Variants in ABCA7 observed in about 807,000 individuals in gnomAD.
ABCA7 encodes the protein ATP binding cassette subfamily A member 7.
In ABCA7, 261 loss-of-function variants were observed where a neutral mutation model predicts 227.6. The observed-to-expected ratio is 1.15, with a 90% CI of 1.04 to 1.27. The LOEUF (loss-of-function observed/expected upper bound fraction) is 1.27, where lower values mean the gene tolerates loss of function less well. ABCA7 is among the 50% of genes most tolerant of loss of function. The probability of loss-of-function intolerance (pLI) is 0.00; values close to 1 mark genes in which losing one functional copy is unlikely to be tolerated. For missense variants in ABCA7, 3,331 were observed against 2,924.5 expected (o/e 1.14, Z -3.21); for synonymous variants, 1,488 against 1,279.7 (o/e 1.16, Z -3.47).
At position 1,047,606 on chromosome 19, in the gene ABCA7, G is replaced by C; in HGVS notation, c.2221G>C (p.Ala741Pro). Residue 741 changes from alanine (A) to proline (P), a missense_variant, in exon 16 of 47, where the codon GCG becomes CCG. Ala to Pro is a conservative substitution (Grantham distance 27). Transcript: ENST00000263094. The part of the protein sequence containing the change: ...AQVSGLLLLD[A>P]ALYGLATWYL... Reference sequence around the variant, plus strand: ...GGTCTCTGGCCTTCTGCTGCTGGACGCGGCGCTCTACGGCCTCGCCACCTG... The same window carrying C: ...GGTCTCTGGCCTTCTGCTGCTGGACCCGGCGCTCTACGGCCTCGCCACCTG... 5 of 1,602,774 alleles carry C rather than the reference G, an allele frequency of 3.1e-6. No individual in the cohort carries two copies. Among genetic ancestry groups the C allele is most frequent in the Non-Finnish European group, 4.2e-6 (5 of 1,179,142 alleles).
chr19:1,058,864 A>T lies in ABCA7; in HGVS notation c.5324A>T (p.Asp1775Val), dbSNP rs1415635714. 1.9e-6 allele frequency: 3 copies of T among 1,579,230 alleles called. No homozygotes were observed. The highest frequency in any genetic ancestry group is 1.3e-5 in the African/African-American group (1 of 74,322). ...SLPLLGEEDE[D>V]VARERERVVQ... is the part of the protein sequence containing the mutation. ...CCACTCCTGGGAGAGGAGGACGAGG[A>T]TGTAGCCCGTGAACGGGAGCGGGTG... The change falls in exon 39 of 47, where the codon GAT becomes GTT. Residue 1775 changes from aspartate to valine, a missense_variant. By Grantham distance (152) the Asp-to-Val change is radical. Transcript: ENST00000263094.
rs558211952 is a variant in ABCA7 at position 1,058,658 on chromosome 19, C to T, written c.5190C>T (p.Val1730=). ...QFQSPLRWEV[V]GKNLLAMVIQ... ...AGTCACCCCTGCGCTGGGAGGTGGT[C>T]GGCAAGAACCTCTTGGCCATGGTGA... is the stretch of plus-strand genomic sequence containing the variant. The change falls in exon 38 of 47, where the codon GTC becomes GTT. Residue 1730 remains valine, a synonymous_variant. Transcript: ENST00000263094. 69 of 1,613,908 alleles carry T rather than the reference C, an allele frequency of 4.3e-5. No homozygotes were observed. Among genetic ancestry groups the T allele is most frequent in the South Asian group, 6.6e-5 (6 of 91,062 alleles).
At chr19:1,053,641 G>C in intron 24 of ABCA7, 110 bp downstream of exon 24, 1 of 1,513,104 alleles carries the variant, frequency 6.6e-7, no homozygotes, top group Middle Eastern at 1.7e-4. Context: ...CATTCAGGGA[G>C]GAGGCATGGC....
intron 6 of ABCA7, 146 bp from the exon 7 acceptor site, chr19:1,042,600 A>G (rs765917512): frequency 1.4e-5 from 14 of 1,010,126 alleles, no homozygotes; most frequent in South Asian, 1.0e-4. Flanking sequence ...GAGATCTCCA[A>G]TGAGTCCCTT....
chr19:1,047,210 A>C lies in ABCA7; in HGVS notation c.1899A>C (p.Ala633=). The change falls in exon 15 of 47, where the codon GCA becomes GCC. Residue 633 remains alanine (A), a synonymous_variant. Coordinates refer to ENST00000263094, the MANE Select transcript of ABCA7 (RefSeq NM_019112.4). ...CGGGCGTGGTCTTCCTGTTCTTGGC[A>C]GCCTTCGCGGTGGCCACGGTGACCC... ...SHPGVVFLFL[A]AFAVATVTQS... 6.2e-7 allele frequency: 1 copy of C among 1,608,754 alleles called. No individual in the cohort carries two copies. The highest frequency in any genetic ancestry group is 2.2e-5 in the East Asian group (1 of 44,796).
intron 24 of ABCA7, 21 bp downstream of exon 24, chr19:1,053,552 T>G (rs924752243): frequency 1.3e-6 from 2 of 1,552,114 alleles, no homozygotes; most frequent in African/African-American, 2.7e-5. Context: ...TGGGTGGTGG[T>G]GAGGTGGGGC....
chr19:1,049,279 G>C lies in ABCA7; in HGVS notation c.2394G>C (p.Glu798Asp), dbSNP rs779045406. Residue 798 changes from glutamate (E) to aspartate (D), a missense_variant, in exon 18 of 47, where the codon GAG becomes GAC. By Grantham distance (45) the Glu-to-Asp change is conservative. Coordinates refer to ENST00000263094, the MANE Select transcript of ABCA7 (RefSeq NM_019112.4). The stretch of plus-strand genomic sequence containing the variant: ...CCATCTCTGCAGTGCTGGTAGAAGA[G>C]GCACCGCCCGGCCTGAGTCCTGGCG... ...TPLDPKVLVE[E>D]APPGLSPGVS... 6.2e-7 allele frequency: 1 copy of C among 1,606,702 alleles called. No individual in the cohort carries two copies. Among genetic ancestry groups the C allele is most frequent in the Non-Finnish European group, 8.5e-7 (1 of 1,176,010 alleles).
At chr19:1,042,857 T>C (rs777032781) in intron 7 of ABCA7, 31 bp downstream of exon 7, 4 of 1,540,220 alleles carry the variant, frequency 2.6e-6, no homozygotes, top group Non-Finnish European at 3.5e-6. Context: ...TCAACCCCCA[T>C]GGAGGCAACG....
At position 1,054,822 on chromosome 19, in the gene ABCA7, G is replaced by A. The variant is rs1430940201; in HGVS notation, c.3894G>A (p.Glu1298=). ...PGDPGRARLL[E]ALLQEAGLEE... ...ACCCTGGACGTGCCCGGCTGCTCGA[G>A]GCGCTGCTGCAGGAGGCAGGACTGG... is the stretch of plus-strand genomic sequence containing the variant. Residue 1298 remains glutamate, a synonymous_variant, in exon 29 of 47, where the codon GAG becomes GAA. Coordinates refer to ENST00000263094, the MANE Select transcript of ABCA7 (RefSeq NM_019112.4). This position sits in a 1 kb window ranked among gnomAD's most constrained non-coding sequence, Gnocchi z 4.8. 2 of 1,577,214 alleles carry A rather than the reference G, an allele frequency of 1.3e-6. No individual in the cohort carries two copies. The highest frequency in any genetic ancestry group is 4.7e-5 in the East Asian group (2 of 42,592).
chr19:1,042,872 C>A, intron 7 of ABCA7, 46 bp downstream of exon 7: 1 of 1,531,256 alleles, frequency 6.5e-7, no homozygotes, highest in Non-Finnish European at 8.8e-7. Flanking sequence ...GCAACGTTGG[C>A]AGGCAGCCTG....
At chr19:1,063,932 A>C in intron 44 of ABCA7, 69 bp downstream of exon 44, 2 of 1,458,838 alleles carry the variant, frequency 1.4e-6, no homozygotes, top group Non-Finnish European at 1.8e-6. Context: ...GCCCCAAAGC[A>C]CAAGGCCACA....
chr19:1,053,188 C>T (rs562431405), intron 23 of ABCA7, 141 bp from the exon 24 acceptor site: 22 of 860,702 alleles, frequency 2.6e-5, no homozygotes, highest in Middle Eastern at 3.6e-4. Flanking sequence ...CCACTGCGCC[C>T]GGCCGCACCT....
At chr19:1,041,715 C>G in intron 3 of ABCA7, 112 bp downstream of exon 3, 10 of 1,576,640 alleles carry the variant, frequency 6.3e-6, no homozygotes, top group Non-Finnish European at 6.0e-6. Flanking sequence ...GCCGCCAATA[C>G]ATGGCATGGG....
intron 10 of ABCA7, among the ~76,000 whole-genome samples, chr19:1,044,113 T>G (rs903467502): frequency 2.6e-4 from 40 of 151,616 alleles, no homozygotes; most frequent in Non-Finnish European, 1.5e-5. Flanking sequence ...ATTTTTTTTT[T>G]TTATTTTTAG....
chr19:1,049,474 C>T (rs758303001), intron 18 of ABCA7, 37 bp downstream of exon 18: 1 of 615,752 alleles, frequency 1.6e-6, no homozygotes, highest in Non-Finnish European at 2.1e-6. Context: ...TGAGCCCCCC[C>T]ACTCCCACCC....
In ABCA7 at chr19:1,042,161, G is replaced by A. The variant is rs1381585206; in HGVS notation, c.400G>A (p.Ala134Thr). ...GLGKLIATLR[A>T]ARSTAQPQPT... ...AGGGAAGCTGATCGCCACGCTGAGG[G>A]CTGCACGCAGCACGGGTGAGGAGGC... Residue 134 changes from alanine to threonine, a missense_variant, in exon 5 of 47, where the codon GCT becomes ACT. By Grantham distance (58) the Ala-to-Thr change is moderately conservative. Coordinates refer to ENST00000263094, the MANE Select transcript of ABCA7 (RefSeq NM_019112.4). 1.9e-6 allele frequency: 3 copies of A among 1,600,478 alleles called. No homozygotes were observed. In the African/African-American group the frequency reaches 4.0e-5, roughly 21 times the overall value.
Position 1,044,628 on chromosome 19 carries a change from C to T in ABCA7, c.1099C>T (p.Arg367Trp), listed in dbSNP as rs779804502. The change falls in exon 11 of 47, where the codon CGG becomes TGG. Residue 367 changes from arginine to tryptophan, a missense_variant. By Grantham distance (101) the Arg-to-Trp change is moderately radical. Transcript: ENST00000263094. ...AAGAAGGCAGCCCAGACCTGGAGGC[C>T]GGGACCACATGGAGGCCCTGCGATC... ...EGRRQPRPGG[R>W]DHMEALRSFL... is the part of the protein sequence containing the mutation. 1.2e-6 allele frequency: 2 copies of T among 1,613,236 alleles called. No individual in the cohort carries two copies. The highest frequency in any genetic ancestry group is 3.3e-5 in the Admixed American group (2 of 60,020).
In ABCA7 at chr19:1,044,757, C is replaced by T. The variant is rs750920945; in HGVS notation, c.1215+13C>T. The T allele has an allele frequency of 1.3e-6, 2 of 1,585,354 alleles. No individual in the cohort carries two copies. The highest frequency in any genetic ancestry group is 1.1e-5 in the South Asian group (1 of 88,902). ...CCGAGTGACGGAGGTGAGGGCCTGT[C>T]CACCTGCGGGGTCTGTTTCAGTGGG... On this transcript the variant is annotated intron_variant, in intron 11 of 46. Coordinates refer to ENST00000263094, the MANE Select transcript of ABCA7 (RefSeq NM_019112.4).
intron 14 of ABCA7, 35 bp downstream of exon 14, chr19:1,047,059 G>A (rs375721421): frequency 2.6e-6 from 4 of 1,551,206 alleles, no homozygotes; most frequent in Middle Eastern, 1.7e-4. Flanking sequence ...CTGCAGAATG[G>A]GTGCGCTGGA....
Sources: allele counts gnomAD v4.1 joint callset (sites outside exome capture counted in the v4.1 genomes callset), GRCh38; gene constraint gnomAD v4.1.1; non-coding constraint Gnocchi (gnomAD v3.1); transcripts MANE v1.5; gene names NCBI Gene and HGNC (gene_info 2026-07-23, HGNC 2026-07-21).